The following MAGI2 variants were observed in gnomAD, a reference collection of about 807,000 sequenced individuals.
The protein encoded by MAGI2 is membrane-associated guanylate kinase, WW and PDZ domain-containing protein 2.
A neutral mutation model predicts 133.3 loss-of-function variants in MAGI2; 35 were observed. That is an observed-to-expected ratio of 0.26 (90% CI 0.20 to 0.35). The LOEUF is 0.35. MAGI2 is among the 10% of genes least tolerant of loss of function. The pLI is 1.00. For synonymous variants in MAGI2, 729 were observed against 710.6 expected (o/e 1.03, Z -0.41); for missense variants, 1,636 against 1,863.4 (o/e 0.88, Z 2.25).
chr7:79,390,393 A>C (rs1844515689), intron 1 of MAGI2, among the ~76,000 whole-genome samples: 1 of 152,260 alleles, frequency 6.6e-6, no homozygotes, highest in Non-Finnish European at 1.5e-5. Flanking sequence ...AAATAACCTG[A>C]ACATTTCAAA....
chr7:78,493,542 A>T (rs770088384), intron 5 of MAGI2, among the ~76,000 whole-genome samples: 2 of 152,162 alleles, frequency 1.3e-5, no homozygotes, highest in Non-Finnish European at 2.9e-5. Flanking sequence ...GAAGGTGGGT[A>T]ACTTGCCCAA....
chr7:78,357,094 T>G (rs1792163998), intron 7 of MAGI2, among the ~76,000 whole-genome samples: 1 of 152,204 alleles, frequency 6.6e-6, no homozygotes, highest in Non-Finnish European at 1.5e-5. Flanking sequence ...TAAATTTGAT[T>G]TTGACATTCT....
intron 1 of MAGI2, among the ~76,000 whole-genome samples, chr7:79,270,631 CAT>C (rs2129557185): frequency 6.6e-6 from 1 of 152,230 alleles, no homozygotes; most frequent in African/African-American, 2.4e-5. Context: ...ATACAGGTGA[CAT>C]ATGTATACAT....
intron 6 of MAGI2, among the ~76,000 whole-genome samples, chr7:78,383,210 T>C (rs1290618708): frequency 2.6e-5 from 4 of 152,074 alleles, no homozygotes; most frequent in Non-Finnish European, 4.4e-5. Flanking sequence ...AGTGGCTGTA[T>C]TGAATTACAT....
intron 6 of MAGI2, among the ~76,000 whole-genome samples, chr7:78,415,267 C>A (rs1798196650): frequency 6.6e-6 from 1 of 151,956 alleles, no homozygotes; most frequent in Non-Finnish European, 1.5e-5. Context: ...TCTCATTGAC[C>A]TTAATTACAT....
chr7:78,353,668 C>T (rs1363260348), intron 7 of MAGI2, among the ~76,000 whole-genome samples: 1 of 152,108 alleles, frequency 6.6e-6, no homozygotes, highest in African/African-American at 2.4e-5. Flanking sequence ...TGTAAACAGA[C>T]TGTAGAAGGA....
chr7:78,525,224 C>T (rs1796848260), intron 3 of MAGI2, among the ~76,000 whole-genome samples: 1 of 151,888 alleles, frequency 6.6e-6, no homozygotes. Flanking sequence ...TCTTTATTGG[C>T]AATAATAGCA....
At chr7:78,467,879 A>T (rs189603298) in intron 6 of MAGI2, among the ~76,000 whole-genome samples, 3 of 152,254 alleles carry the variant, frequency 2.0e-5, no homozygotes, top group Non-Finnish European at 4.4e-5. Context: ...GTCTATATAA[A>T]TTGTCACAAG....
rs35069216 is a variant in MAGI2 at position 78,564,783 on chromosome 7, C to CTTTTTTTTTTTTTTT, written c.539-43153_539-43139dup. Among the ~76,000 whole-genome samples the CTTTTTTTTTTTTTTT allele has an allele frequency of 2.2e-4, 14 of 64,362 alleles. 4 individuals carry two copies. Among genetic ancestry groups the CTTTTTTTTTTTTTTT allele is most frequent in the Non-Finnish European group, 3.9e-4 (14 of 36,138 alleles). The allele number at this position is 64,362 out of a possible 152,430, so 42.2% of individuals were successfully genotyped here. The stretch of plus-strand genomic sequence containing the variant: ...TACTTCATCTCATCTCTTTGACATT[C>CTTTTTTTTTTTTTTT]TTTTTTTTTTTTTTTTTTTTTTTTT... On this transcript the variant is annotated intron_variant, in intron 3 of 21. Transcript: ENST00000354212.
At chr7:78,284,390 C>A (rs187889733) in intron 9 of MAGI2, among the ~76,000 whole-genome samples, 20 of 152,006 alleles carry the variant, frequency 1.3e-4, no homozygotes, top group Admixed American at 1.0e-3. Context: ...TGTGTCCACT[C>A]CTCTCTGCTT....
intron 2 of MAGI2, among the ~76,000 whole-genome samples, chr7:78,744,961 G>A (rs1822783813): frequency 1.3e-5 from 2 of 152,146 alleles, no homozygotes; most frequent in African/African-American, 2.4e-5. Flanking sequence ...AATAGTTAGA[G>A]CTGACTATGT....
chr7:78,833,129 G>A (rs111269045), intron 2 of MAGI2, among the ~76,000 whole-genome samples: 5 of 152,162 alleles, frequency 3.3e-5, no homozygotes, highest in African/African-American at 1.2e-4. Context: ...AACTGTTACT[G>A]CTGATTAATA....
intron 14 of MAGI2, among the ~76,000 whole-genome samples, chr7:78,171,714 CA>C (rs1486126660): frequency 2.0e-5 from 3 of 152,192 alleles, no homozygotes; most frequent in Non-Finnish European, 4.4e-5. Flanking sequence ...TACCAGGTCA[CA>C]CCCTTTTAGT....
chr7:78,991,563 G>A (rs528001060), intron 2 of MAGI2, among the ~76,000 whole-genome samples: 3 of 150,116 alleles, frequency 2.0e-5, no homozygotes, highest in East Asian at 3.9e-4. Context: ...CCTGGGATAC[G>A]TACTTAATTT....
chr7:78,690,222 A>T (rs756608668), intron 2 of MAGI2, among the ~76,000 whole-genome samples: 52 of 152,330 alleles, frequency 3.4e-4, no homozygotes, highest in Middle Eastern at 3.4e-3. Context: ...TATAGAATTC[A>T]TTCATTCAAA....
At chr7:78,267,761 A>G (rs1369006510) in intron 9 of MAGI2, among the ~76,000 whole-genome samples, 1 of 152,306 alleles carries the variant, frequency 6.6e-6, no homozygotes, top group East Asian at 1.9e-4. Context: ...TCCGTGTTAG[A>G]CACTGCACAC....
chr7:78,483,751 C>T (rs1792673970), intron 6 of MAGI2, among the ~76,000 whole-genome samples: 1 of 151,918 alleles, frequency 6.6e-6, no homozygotes. Flanking sequence ...GTTGCTAAAG[C>T]ACATCATGAT....
chr7:79,401,889 T>G (rs560839157), intron 1 of MAGI2, among the ~76,000 whole-genome samples: 2 of 152,186 alleles, frequency 1.3e-5, no homozygotes, highest in East Asian at 3.9e-4. Flanking sequence ...ACATAAAAAT[T>G]TGATAAATGA....
At chr7:78,905,573 C>G (rs1797935260) in intron 2 of MAGI2, among the ~76,000 whole-genome samples, 1 of 152,180 alleles carries the variant, frequency 6.6e-6, no homozygotes, top group Admixed American at 6.5e-5. Context: ...CATGTTGTTT[C>G]TTCTGCCTAG....
Sources: gnomAD v4.1 joint callset for allele counts (sites outside exome capture counted in the v4.1 genomes callset) on GRCh38, gnomAD v4.1.1 for gene constraint, MANE v1.5 for transcripts, NCBI Gene and HGNC (gene_info 2026-07-23, HGNC 2026-07-21) for gene names.